The following NOTCH2 variants were observed in gnomAD, a reference collection of about 807,000 sequenced individuals.
The protein encoded by NOTCH2 is notch receptor 2, also known as neurogenic locus notch homolog protein 2.
Under a neutral mutation model 235.8 loss-of-function variants are expected in NOTCH2, and 29 were observed. That is an observed-to-expected ratio of 0.12 (90% CI 0.09 to 0.17). NOTCH2 has a LOEUF of 0.17. Among genes scored for constraint, NOTCH2 ranks in the 10% least tolerant of loss-of-function variants. NOTCH2 has a pLI of 1.00. For synonymous variants in NOTCH2, 1,086 were observed against 1,141.5 expected (o/e 0.95, Z 0.98); for missense variants, 2,285 against 3,150.2 (o/e 0.73, Z 6.57).
In NOTCH2 at chr1:119,955,057, A is replaced by G; in HGVS notation, c.2202T>C (p.Cys734=). The stretch of plus-strand genomic sequence containing the variant: ...CTACTCACCCACTGAGACCTCCAGT[A>G]CAGTTTCCATGGATGCAGGGATTGC... ...CLSNPCIHGN[C]TGGLSGYKCL... Residue 734 remains cysteine, a synonymous_variant, in exon 13 of 34, where the codon TGT becomes TGC. Transcript: ENST00000256646. 6.2e-7 allele frequency: 1 copy of G among 1,613,962 alleles called. No individual in the cohort carries two copies. Among genetic ancestry groups the G allele is most frequent in the Non-Finnish European group, 8.5e-7 (1 of 1,179,954 alleles).
At chr1:120,001,392 C>T (rs1652745510) in intron 3 of NOTCH2, among the ~76,000 whole-genome samples, 1 of 152,018 alleles carries the variant, frequency 6.6e-6, no homozygotes, top group Admixed American at 6.6e-5. Flanking sequence ...GGACCTCCAC[C>T]AGAGTTTCCT....
At chr1:119,982,278 C>A (rs1651841711) in intron 5 of NOTCH2, among the ~76,000 whole-genome samples, 1 of 152,168 alleles carries the variant, frequency 6.6e-6, no homozygotes, top group Non-Finnish European at 1.5e-5. Flanking sequence ...TTCACTTCTG[C>A]TTCATGTCCC....
intron 8 of NOTCH2, 88 bp downstream of exon 8, chr1:119,967,345 G>T: frequency 8.5e-7 from 1 of 1,178,814 alleles, no homozygotes; most frequent in Non-Finnish European, 1.3e-6. Context: ...GAGCTCATCA[G>T]ACTGCAATAG....
At chr1:120,067,648 C>A (rs1357291879) in intron 1 of NOTCH2, among the ~76,000 whole-genome samples, 7 of 152,188 alleles carry the variant, frequency 4.6e-5, no homozygotes, top group African/African-American at 1.7e-4. Flanking sequence ...AGGATTATTA[C>A]CCTCAGACTG....
At position 120,069,323 on chromosome 1, in the gene NOTCH2, C is replaced by G. The variant is rs1553217892; in HGVS notation, c.73+11G>C. Reference sequence around the variant, plus strand: ...GGCGCCGCGGACAGCGCCCCTCAGCCCGATACTCACCATGCGCGGGGGCCG... The same window carrying G: ...GGCGCCGCGGACAGCGCCCCTCAGCGCGATACTCACCATGCGCGGGGGCCG... On this transcript the variant is annotated intron_variant, in intron 1 of 33. Coordinates refer to ENST00000256646, the MANE Select transcript of NOTCH2 (RefSeq NM_024408.4). The G allele has an allele frequency of 3.8e-6, 6 of 1,563,830 alleles. No individual in the cohort carries two copies. Among genetic ancestry groups the G allele is most frequent in the Non-Finnish European group, 5.2e-6 (6 of 1,163,018 alleles).
At chr1:119,956,073 G>A (rs1650687361) in intron 12 of NOTCH2, among the ~76,000 whole-genome samples, 1 of 152,108 alleles carries the variant, frequency 6.6e-6, no homozygotes, top group South Asian at 2.1e-4. Flanking sequence ...TGGATACTGG[G>A]AGTAAGTGAA....
At chr1:119,951,276 GAGTAGCTAGAACCAC>G (rs1285949422) in intron 14 of NOTCH2, among the ~76,000 whole-genome samples, 1 of 151,998 alleles carries the variant, frequency 6.6e-6, no homozygotes, top group African/African-American at 2.4e-5. Flanking sequence ...TCAGCCTCCT[GAGTAGCTAGAACCAC>G]AGGTGCATGC....
chr1:119,960,681 C>CT lies in NOTCH2; in HGVS notation c.1916-1180dup, dbSNP rs587646269. On this transcript the variant is annotated intron_variant, in intron 11 of 33. Transcript: ENST00000256646. ...ATTCACTCATACTTTGTTTTTCTTT[C>CT]TTTTTTTTCAGAGATAGGGTCCTGA... Among the ~76,000 whole-genome samples the CT allele has an allele frequency of 1.5e-4, 22 of 151,562 alleles. No individual in the cohort carries two copies. The East Asian group carries it at 2.5e-3, about 17-fold the overall frequency.
rs766292015 is a variant in NOTCH2, at chr1:119,913,104, C to T, written c.*2202G>A. ...AGAGGTCCATGCAGATAGGTTCTCC[C>T]CATCTGTGAATAATAAATGGGTCCA... On this transcript the variant is annotated 3_prime_UTR_variant, in exon 34 of 34. Transcript: ENST00000256646. 8.6e-6 allele frequency: 2 copies of T among 233,108 alleles called. No individual in the cohort carries two copies. Among genetic ancestry groups the T allele is most frequent in the Non-Finnish European group, 1.7e-5 (2 of 118,052 alleles). 14.4% of individuals were successfully genotyped at this position (233,108 alleles called of 1,614,324 possible).
chr1:119,978,729 C>T (rs1651694293), intron 5 of NOTCH2, among the ~76,000 whole-genome samples: 2 of 152,130 alleles, frequency 1.3e-5, no homozygotes, highest in South Asian at 4.1e-4. Context: ...CTGGCTCTCC[C>T]CACCTTAGGC....
At position 119,968,111 on chromosome 1, in the gene NOTCH2, A is replaced by T. The variant is rs2101145346; in HGVS notation, c.1230T>A (p.Ala410=). The T allele has an allele frequency of 2.5e-6, 4 of 1,614,156 alleles. No individual in the cohort carries two copies. Among genetic ancestry groups the T allele is most frequent in the Non-Finnish European group, 3.4e-6 (4 of 1,179,972 alleles). The part of the protein sequence containing the change: ...ICTCPQGYKG[A]DCTEDVDECA... ...ATTCATCCACATCTTCTGTGCAGTC[A>T]GCCCCTTTGTAGCCTTGTGGGCAGG... Residue 410 remains alanine (A), a synonymous_variant, in exon 7 of 34, where the codon GCT becomes GCA. Transcript: ENST00000256646.
At chr1:120,015,964 AG>A (rs1258814886) in intron 2 of NOTCH2, among the ~76,000 whole-genome samples, 6 of 135,764 alleles carry the variant, frequency 4.4e-5, no homozygotes, top group Admixed American at 1.5e-4. Context: ...CAAAAAAAAA[AG>A]AAAGAAAAAA....
chr1:119,970,392 T>G (rs899099005), intron 5 of NOTCH2, among the ~76,000 whole-genome samples: 5 of 152,006 alleles, frequency 3.3e-5, no homozygotes, highest in Non-Finnish European at 5.9e-5. Context: ...TCTGGTGAAG[T>G]ATGGATGTGA....
At chr1:119,982,283 T>C (rs1423583266) in intron 5 of NOTCH2, among the ~76,000 whole-genome samples, 3 of 152,252 alleles carry the variant, frequency 2.0e-5, no homozygotes, top group African/African-American at 7.2e-5. Flanking sequence ...TTCTGCTTCA[T>C]GTCCCAGAGC....
intron 5 of NOTCH2, among the ~76,000 whole-genome samples, chr1:119,983,367 G>A (rs1429946876): frequency 5.9e-5 from 9 of 151,932 alleles, no homozygotes; most frequent in African/African-American, 1.5e-4. Context: ...TACGCAGGCT[G>A]TTCTCAAACT....
At chr1:119,942,038 CA>C (rs1650082012) in intron 17 of NOTCH2, among the ~76,000 whole-genome samples, 1 of 152,164 alleles carries the variant, frequency 6.6e-6, no homozygotes, top group Non-Finnish European at 1.5e-5. Context: ...ATTTGGAAAT[CA>C]AATATGTGCC....
rs962650117 is a variant in NOTCH2, at chr1:119,948,627, C to A, written c.2600-61G>T. 7 of 1,594,862 alleles carry A rather than the reference C, an allele frequency of 4.4e-6. No individual in the cohort carries two copies. The Admixed American group carries it at 1.2e-4, about 27-fold the overall frequency. On this transcript the variant is annotated intron_variant, in intron 16 of 33. Transcript: ENST00000256646. ...GGAAGCTGATTCCCACAAAAATCTA[C>A]GCAGGACCTGAGCTTAGTTGGGGTG...
At chr1:119,924,348 C>T (rs1233133230) in intron 25 of NOTCH2, among the ~76,000 whole-genome samples, 1 of 152,166 alleles carries the variant, frequency 6.6e-6, no homozygotes, top group Non-Finnish European at 1.5e-5. Flanking sequence ...AGTAAGGTAA[C>T]AACGGGCTTT....
At chr1:119,999,971 G>GAAAA (rs1557840258) in intron 3 of NOTCH2, among the ~76,000 whole-genome samples, 1 of 98,542 alleles carries the variant, frequency 1.0e-5, no homozygotes, top group Non-Finnish European at 1.9e-5. Context: ...AAGAAAGAAA[G>GAAAA]AAAGAAAGGA....
Sources: gnomAD v4.1 joint callset for allele counts (sites outside exome capture counted in the v4.1 genomes callset) on GRCh38, gnomAD v4.1.1 for gene constraint, MANE v1.5 for transcripts, NCBI Gene and HGNC (gene_info 2026-07-23, HGNC 2026-07-21) for gene names.